Variants in RRM1 observed in about 807,000 individuals in gnomAD.
RRM1 encodes the protein ribonucleotide reductase catalytic subunit M1.
A neutral mutation model predicts 101.5 loss-of-function variants in RRM1; 19 were observed. The ratio of observed to expected loss-of-function variants is 0.19; its 90% CI spans 0.13 to 0.27. The LOEUF (loss-of-function observed/expected upper bound fraction) is 0.27, where lower values mean the gene tolerates loss of function less well. Among genes scored for constraint, RRM1 ranks in the 10% least tolerant of loss-of-function variants. RRM1 has a pLI of 1.00. For synonymous variants in RRM1, 298 were observed against 323.4 expected (o/e 0.92, Z 0.84); for missense variants, 500 against 962.9 (o/e 0.52, Z 6.36).
At chr11:4,106,271 A>T in intron 3 of RRM1, 48 bp downstream of exon 3, 1 of 1,437,642 alleles carries the variant, frequency 7.0e-7, no homozygotes, top group South Asian at 1.2e-5. Context: ...CAGAAAAGTA[A>T]TAAGGGTACT....
At chr11:4,125,065 C>A (rs969559852) in intron 12 of RRM1, among the ~76,000 whole-genome samples, 1 of 151,918 alleles carries the variant, frequency 6.6e-6, no homozygotes, top group African/African-American at 2.4e-5. Flanking sequence ...CAGGCGCGTG[C>A]CACCACACCC....
intron 2 of RRM1, among the ~76,000 whole-genome samples, chr11:4,103,736 C>T (rs1440301729): frequency 6.6e-6 from 1 of 151,856 alleles, no homozygotes; most frequent in Non-Finnish European, 1.5e-5. Context: ...GATTCTTGTG[C>T]CTCAGCCTCC....
chr11:4,109,281 T>C (rs1355534022), intron 4 of RRM1, among the ~76,000 whole-genome samples: 1 of 151,808 alleles, frequency 6.6e-6, no homozygotes, highest in African/African-American at 2.4e-5. Flanking sequence ...TCTAAAAACA[T>C]GTTTAAGGAT....
At position 4,138,463 on chromosome 11, in the gene RRM1, G is replaced by C; in HGVS notation, c.*80G>C. The C allele has an allele frequency of 8.9e-7, 1 of 1,118,940 alleles. No homozygotes were observed. Among genetic ancestry groups the C allele is most frequent in the South Asian group, 2.6e-5 (1 of 37,870 alleles). 69.3% of individuals were successfully genotyped at this position (1,118,940 alleles called of 1,614,324 possible). A position where few individuals can be genotyped will look rare whatever the true frequency, so the allele number is the denominator to read the frequency against. ...ATAGATAGGTATAGTGGGTTTGCTT[G>C]AGGTGGTAAGGCTTTGCTGGACCCT... is the stretch of plus-strand genomic sequence containing the variant. On this transcript the variant is annotated 3_prime_UTR_variant, in exon 19 of 19. Transcript: ENST00000300738.
intron 12 of RRM1, 87 bp from the exon 13 acceptor site, chr11:4,126,597 A>T: frequency 8.3e-7 from 1 of 1,204,822 alleles, no homozygotes; most frequent in South Asian, 1.6e-5. Flanking sequence ...TTAATGTCTG[A>T]GTATTAGAGG....
chr11:4,136,911 C>G (rs1432264562), intron 18 of RRM1, among the ~76,000 whole-genome samples: 1 of 151,560 alleles, frequency 6.6e-6, no homozygotes, highest in East Asian at 1.9e-4. Flanking sequence ...GCAGAGGACC[C>G]TGCGGCCTTC....
chr11:4,123,124 G>A, intron 11 of RRM1, 59 bp from the exon 12 acceptor site: 2 of 1,288,974 alleles, frequency 1.6e-6, no homozygotes, highest in Non-Finnish European at 2.2e-6. Context: ...TCTTCAAGTT[G>A]TCTACAATAA....
chr11:4,130,687 G>C (rs1051450572), intron 15 of RRM1, among the ~76,000 whole-genome samples: 1 of 151,934 alleles, frequency 6.6e-6, no homozygotes, highest in East Asian at 1.9e-4. Flanking sequence ...CTGTGACTCT[G>C]TCTCAAAAAA....
rs750601491 is a variant in RRM1 at position 4,130,326 on chromosome 11, A to G, written c.1769+1176A>G. Among the ~76,000 whole-genome samples, 63 of 151,788 alleles carry G rather than the reference A, an allele frequency of 4.2e-4. 1 individual carries two copies. The highest frequency in any genetic ancestry group is 2.6e-4 in the Admixed American group (4 of 15,200). On this transcript the variant is annotated intron_variant, in intron 15 of 18. Transcript: ENST00000300738. ...GAGATAAGACTTGTTAATGGTGTGTATTTTTCTAGATCTTTTTCAGTACAT... is the reference window on the plus strand; with the variant it reads ...GAGATAAGACTTGTTAATGGTGTGTGTTTTTCTAGATCTTTTTCAGTACAT...
In RRM1 at chr11:4,111,603, G is replaced by A. The variant is rs754535019; in HGVS notation, c.450G>A (p.Thr150=). The change falls in exon 6 of 19, where the codon ACG becomes ACA. Residue 150 remains threonine, a splice_region_variant and synonymous_variant. Transcript: ENST00000300738. ...DFSYNYFGFK[T]LERSYLLKIN... Reference sequence around the variant, plus strand: ...TTTTGTTGTTTCTCTCTTTCTAGACGCTAGAGCGGTCTTATTTGTTGAAGA... The same window carrying A: ...TTTTGTTGTTTCTCTCTTTCTAGACACTAGAGCGGTCTTATTTGTTGAAGA... 52 of 1,602,688 alleles carry A rather than the reference G, an allele frequency of 3.2e-5. No homozygotes were observed. In the South Asian group the frequency reaches 3.4e-4, roughly 10 times the overall value.
intron 7 of RRM1, among the ~76,000 whole-genome samples, chr11:4,113,718 G>C (rs2094568628): frequency 6.6e-6 from 1 of 152,220 alleles, no homozygotes; most frequent in South Asian, 2.1e-4. Flanking sequence ...GCCTGTTGCT[G>C]CTCATAGGTT....
intron 9 of RRM1, among the ~76,000 whole-genome samples, chr11:4,120,376 C>T (rs888674172): frequency 4.6e-5 from 7 of 151,538 alleles, no homozygotes; most frequent in Non-Finnish European, 7.4e-5. Context: ...GTTTTTCTTT[C>T]GTTTTTTTTT....
chr11:4,129,196 G>A, intron 15 of RRM1, 46 bp downstream of exon 15: 1 of 1,106,024 alleles, frequency 9.0e-7, no homozygotes, highest in Non-Finnish European at 1.4e-6. Context: ...AAGGGTTTAG[G>A]TTCACCTTCT....
chr11:4,122,264 G>C, intron 11 of RRM1, 44 bp downstream of exon 11: 1 of 1,385,728 alleles, frequency 7.2e-7, no homozygotes, highest in Non-Finnish European at 1.0e-6. Flanking sequence ...TTTAATCATG[G>C]TTTCTCTTAT....
At chr11:4,115,189 A>G (rs924810295) in intron 7 of RRM1, among the ~76,000 whole-genome samples, 1 of 152,128 alleles carries the variant, frequency 6.6e-6, no homozygotes, top group African/African-American at 2.4e-5. Flanking sequence ...AAAGAGCAAA[A>G]GACTGCCCAA....
intron 6 of RRM1, 103 bp from the exon 7 acceptor site, chr11:4,111,796 GT>G: frequency 1.6e-6 from 2 of 1,260,990 alleles, no homozygotes; most frequent in Admixed American, 4.9e-5. Flanking sequence ...TTAGTATAAA[GT>G]TTTTCTAGTT....
intron 14 of RRM1, among the ~76,000 whole-genome samples, 174 bp from the exon 15 acceptor site, chr11:4,128,900 A>T (rs1179681506): frequency 6.6e-6 from 1 of 152,078 alleles, no homozygotes; most frequent in East Asian, 1.9e-4. Context: ...CAATATGACT[A>T]CATGGAATTT....
At chr11:4,118,018 T>C (rs1277777452) in intron 7 of RRM1, among the ~76,000 whole-genome samples, 1 of 152,212 alleles carries the variant, frequency 6.6e-6, no homozygotes, top group African/African-American at 2.4e-5. Flanking sequence ...AATGTGAAAA[T>C]AGCACGTTTG....
At chr11:4,121,856 A>C in intron 10 of RRM1, 91 bp downstream of exon 10, 2 of 1,257,294 alleles carry the variant, frequency 1.6e-6, no homozygotes, top group Non-Finnish European at 2.2e-6. Flanking sequence ...GGAAGAGCCC[A>C]TATGTGTGTG....
Sources: gnomAD v4.1 joint callset for allele counts (sites outside exome capture counted in the v4.1 genomes callset) on GRCh38, gnomAD v4.1.1 for gene constraint, MANE v1.5 for transcripts, NCBI Gene and HGNC (gene_info 2026-07-23, HGNC 2026-07-21) for gene names.